RADIL: variants seen among roughly 807,000 people sequenced by gnomAD.
RADIL encodes Rap associating with DIL domain.
Under a neutral mutation model 97.6 loss-of-function variants are expected in RADIL, and 99 were observed. That is an observed-to-expected ratio of 1.01 (90% CI 0.86 to 1.20). The LOEUF is 1.20. Among genes scored for constraint, RADIL ranks in the 50% most tolerant of loss-of-function variants. The pLI, the probability that RADIL is intolerant of heterozygous loss-of-function variation, is 0.00. For synonymous variants in RADIL, 803 were observed against 691.8 expected (o/e 1.16, Z -2.52); for missense variants, 1,765 against 1,498.9 (o/e 1.18, Z -2.93).
In RADIL at chr7:4,801,913, C is replaced by A. The variant is rs966309842; in HGVS notation, c.2582G>T (p.Arg861Leu). 1.3e-6 allele frequency: 2 copies of A among 1,567,774 alleles called. No individual in the cohort carries two copies. The highest frequency in any genetic ancestry group is 1.7e-6 in the Non-Finnish European group (2 of 1,158,444). The stretch of plus-strand genomic sequence containing the variant: ...AAGAGTACGCTCCGGGGCCACTTCC[C>A]GGGCTGCTGGGCCAGGGTCCCTGGG... The part of the protein sequence containing the change: ...LAPRDPGPAA[R>L]EVAPERTLPL... The change falls in exon 12 of 15, where the codon CGG becomes CTG. Residue 861 changes from arginine (R) to leucine (L), a missense_variant. Arg to Leu is a moderately radical substitution (Grantham distance 102). Coordinates refer to ENST00000399583, the MANE Select transcript of RADIL (RefSeq NM_018059.5).
rs748077039 is a variant in RADIL, at chr7:4,820,653, G to A, written c.1615+1741C>T. On this transcript the variant is annotated intron_variant, in intron 6 of 14. Coordinates refer to ENST00000399583, the MANE Select transcript of RADIL (RefSeq NM_018059.5). ...GAAACAGTGGGAAGGAACCGTGGCCGGCAGGAAGGAACTCGGACAGATCCT... is the reference window on the plus strand; with the variant it reads ...GAAACAGTGGGAAGGAACCGTGGCCAGCAGGAAGGAACTCGGACAGATCCT... 2.6e-4 allele frequency among the ~76,000 whole-genome samples: 39 copies of A among 152,202 alleles called. 1 individual carries two copies. The highest frequency in any genetic ancestry group is 4.6e-4 in the Non-Finnish European group (31 of 68,016).
At chr7:4,823,072 G>A (rs1445817823) in intron 5 of RADIL, among the ~76,000 whole-genome samples, 1 of 152,166 alleles carries the variant, frequency 6.6e-6, no homozygotes, top group Non-Finnish European at 1.5e-5. Flanking sequence ...CTTTATTAAA[G>A]CAGGAAGTCA....
At position 4,801,723 on chromosome 7, in the gene RADIL, G is replaced by T. The variant is rs777371581; in HGVS notation, c.2772C>A (p.Gly924=). The change falls in exon 12 of 15, where the codon GGC becomes GGA. Residue 924 remains glycine, a synonymous_variant. Coordinates refer to ENST00000399583, the MANE Select transcript of RADIL (RefSeq NM_018059.5). ...TCTCTGGGAGCGCTTTTCCACAGGG[G>T]CCGCCGGACTCTGGCCAGTCGGGGT... ...PGDPDWPESG[G]PCGKALPERQ... is the part of the protein sequence containing the mutation. 4.3e-6 allele frequency: 7 copies of T among 1,610,238 alleles called. No homozygotes were observed. The South Asian group carries it at 7.7e-5, about 18-fold the overall frequency.
intron 2 of RADIL, among the ~76,000 whole-genome samples, chr7:4,844,843 A>G (rs988579777): frequency 6.6e-6 from 1 of 152,078 alleles, no homozygotes; most frequent in Non-Finnish European, 1.5e-5. Flanking sequence ...TGCTCAGGCA[A>G]TCCTCCCGCC....
chr7:4,835,222 C>G lies in RADIL; in HGVS notation c.801G>C (p.Val267=). ...CCACCGTGTGCCGGTCCCGGTTGAG[C>G]ACATACACCAGGCTGTCCTGAAACA... is the stretch of plus-strand genomic sequence containing the variant. ...YSQQHDSLVY[V]LNRDRHTVGQ... Residue 267 remains valine (V), a synonymous_variant, in exon 4 of 15, where the codon GTG becomes GTC. Coordinates refer to ENST00000399583, the MANE Select transcript of RADIL (RefSeq NM_018059.5). This position sits in a 1 kb window ranked among gnomAD's most constrained non-coding sequence, Gnocchi z 5.8. 3 of 1,610,380 alleles carry G rather than the reference C, an allele frequency of 1.9e-6. No homozygotes were observed. The highest frequency in any genetic ancestry group is 3.3e-5 in the Admixed American group (2 of 59,996).
rs754936589 is a variant in RADIL, at chr7:4,835,062, G to C, written c.961C>G (p.Pro321Ala). The change falls in exon 4 of 15, where the codon CCC becomes GCC. Residue 321 changes from proline (P) to alanine (A), a missense_variant. Physicochemically the swap from Pro to Ala is conservative, Grantham distance 27. Coordinates refer to ENST00000399583, the MANE Select transcript of RADIL (RefSeq NM_018059.5). The surrounding 1 kb of genome is among the most constrained non-coding windows in gnomAD (Gnocchi z 5.8). ...AAGTTGACGGAGATGTGCGCCCCGG[G>C]GATGGGCTCCAGGACCAGCCTCCCC... ...AAGRLVLEPI[P>A]GAHISVNFSE... The C allele has an allele frequency of 1.9e-6, 3 of 1,608,114 alleles. No individual in the cohort carries two copies. In the African/African-American group the frequency reaches 4.0e-5, roughly 21 times the overall value.
rs190846744 is a variant in RADIL at position 4,824,382 on chromosome 7, G to A, written c.1455-1828C>T. On this transcript the variant is annotated intron_variant, in intron 5 of 14. Coordinates refer to ENST00000399583, the MANE Select transcript of RADIL (RefSeq NM_018059.5). This position sits in a 1 kb window ranked among gnomAD's most constrained non-coding sequence, Gnocchi z 6.7. ...GGACCCGGCCTGGGGTCCTTTGAAA[G>A]GTGCCAAGCCCACAGGAAATGCCAC... 8.5e-5 allele frequency among the ~76,000 whole-genome samples: 13 copies of A among 152,336 alleles called. 1 individual carries two copies. In the East Asian group the frequency reaches 2.5e-3, roughly 29 times the overall value.
rs531277746 is a variant in RADIL at position 4,810,586 on chromosome 7, G to A, written c.2139+4692C>T. 8.8e-4 allele frequency among the ~76,000 whole-genome samples: 134 copies of A among 152,328 alleles called. 2 individuals are homozygous for A. Among genetic ancestry groups the A allele is most frequent in the African/African-American group, 3.2e-3 (132 of 41,562 alleles). On this transcript the variant is annotated intron_variant, in intron 9 of 14. Transcript: ENST00000399583. ...TATGGGTTTTTCCCAGTCTGGGGCG[G>A]TTACGAGTGGCGCCACTGGAAGCAT... is the stretch of plus-strand genomic sequence containing the variant.
rs150082776 is a variant in RADIL, at chr7:4,842,754, G to A, written c.536-6149C>T. On this transcript the variant is annotated intron_variant, in intron 2 of 14. Coordinates refer to ENST00000399583, the MANE Select transcript of RADIL (RefSeq NM_018059.5). The surrounding 1 kb of genome is among the most constrained non-coding windows in gnomAD (Gnocchi z 4.5). The stretch of plus-strand genomic sequence containing the variant: ...CCGTTTCTGTCACCCATCCCCACTC[G>A]CAGGCCTCAGAGATGAAGTGACTAG... Among the ~76,000 whole-genome samples, 3 of 152,072 alleles carry A rather than the reference G, an allele frequency of 2.0e-5. No individual in the cohort carries two copies. Among genetic ancestry groups the A allele is most frequent in the African/African-American group, 7.2e-5 (3 of 41,396 alleles).
At chr7:4,859,472 A>C (rs1224634401) in intron 2 of RADIL, 1 of 165,520 alleles carries the variant, frequency 6.0e-6, no homozygotes, top group Non-Finnish European at 1.3e-5. Flanking sequence ...CTGATACATT[A>C]ATAACAGTAC....
intron 2 of RADIL, among the ~76,000 whole-genome samples, chr7:4,877,135 T>C (rs893485824): frequency 4.6e-5 from 7 of 152,190 alleles, no homozygotes; most frequent in Non-Finnish European, 8.8e-5. Flanking sequence ...AGCCTCCTGC[T>C]GCGTAGACAA....
At chr7:4,870,705 A>T (rs1784232543) in intron 2 of RADIL, among the ~76,000 whole-genome samples, 1 of 152,154 alleles carries the variant, frequency 6.6e-6, no homozygotes, top group Non-Finnish European at 1.5e-5. Flanking sequence ...CGGCCTCCCA[A>T]AGTGCTGGGA....
intron 4 of RADIL, among the ~76,000 whole-genome samples, chr7:4,833,161 G>A (rs1325218964): frequency 1.3e-5 from 2 of 152,154 alleles, no homozygotes; most frequent in African/African-American, 2.4e-5. Flanking sequence ...GCTGGGACCC[G>A]GGTCCCTCAG....
At chr7:4,825,685 G>T (rs1782954242) in intron 5 of RADIL, among the ~76,000 whole-genome samples, 1 of 151,820 alleles carries the variant, frequency 6.6e-6, no homozygotes, top group Non-Finnish European at 1.5e-5. Context: ...AGACCAGCCT[G>T]ACCAACATGG....
intron 4 of RADIL, among the ~76,000 whole-genome samples, chr7:4,833,075 T>C (rs1783192967): frequency 6.6e-6 from 1 of 152,068 alleles, no homozygotes; most frequent in Admixed American, 6.6e-5. Flanking sequence ...GCCTGTAGCA[T>C]AGGGGCAGGG....
Position 4,879,149 on chromosome 7 carries a change from G to C in RADIL, c.-64-946C>G, listed in dbSNP as rs886533808. 6.6e-6 allele frequency among the ~76,000 whole-genome samples: 1 copy of C among 152,226 alleles called. No homozygotes were observed. The highest frequency in any genetic ancestry group is 2.4e-5 in the African/African-American group (1 of 41,466). The stretch of plus-strand genomic sequence containing the variant: ...GTGCAGGCATGGCCGGAATGCAGGC[G>C]TCCCGCCCACCACAGGCCGCGGGTG... On this transcript the variant is annotated intron_variant, in intron 1 of 14. Transcript: ENST00000399583. This position sits in a 1 kb window ranked among gnomAD's most constrained non-coding sequence, Gnocchi z 4.1.
chr7:4,866,407 A>C (rs1379164272), intron 2 of RADIL, among the ~76,000 whole-genome samples: 1 of 152,216 alleles, frequency 6.6e-6, no homozygotes, highest in Non-Finnish European at 1.5e-5. Flanking sequence ...CGCCTAATCA[A>C]ATACCTAACA....
intron 2 of RADIL, chr7:4,865,493 C>G (rs1784111149): frequency 6.4e-6 from 5 of 782,876 alleles, no homozygotes. Context: ...ATTCGTAACT[C>G]TCTTTGCTGT....
chr7:4,834,848 G>T lies in RADIL; in HGVS notation c.1175C>A (p.Ala392Asp). The T allele has an allele frequency of 1.5e-6, 2 of 1,317,948 alleles. No individual in the cohort carries two copies. Among genetic ancestry groups the T allele is most frequent in the Non-Finnish European group, 1.9e-6 (2 of 1,032,902 alleles). The allele number at this position is 1,317,948 out of a possible 1,614,324, so 81.6% of individuals were successfully genotyped here. ...GGGCAGGGCGGCCTGAGTAGGGGAG[G>T]CGGCTCCCCGGGCCCCGAGCGCGGC... The part of the protein sequence containing the change: ...CGAALGARGA[A>D]SPTQAALPRR... Residue 392 changes from alanine (A) to aspartate (D), a missense_variant, in exon 4 of 15, where the codon GCC (alanine) becomes GAC (aspartate). By Grantham distance (126) the Ala-to-Asp change is moderately radical. Transcript: ENST00000399583. This position sits in a 1 kb window ranked among gnomAD's most constrained non-coding sequence, Gnocchi z 6.0.
Sources: allele counts gnomAD v4.1 joint callset (sites outside exome capture counted in the v4.1 genomes callset), GRCh38; gene constraint gnomAD v4.1.1; non-coding constraint Gnocchi (gnomAD v3.1); transcripts MANE v1.5; gene names NCBI Gene and HGNC (gene_info 2026-07-23, HGNC 2026-07-21).